The following LBR variants were observed in gnomAD, a reference collection of about 807,000 sequenced individuals.
LBR encodes lamin B receptor.
Under a neutral mutation model 74.3 loss-of-function variants are expected in LBR, and 28 were observed. The ratio of observed to expected loss-of-function variants is 0.38; its 90% confidence interval spans 0.28 to 0.52. The LOEUF (loss-of-function observed/expected upper bound fraction) is 0.52. Among genes scored for constraint, LBR ranks in the 20% least tolerant of loss-of-function variants. The pLI is 0.89. For missense variants in LBR, 717 were observed against 760.3 expected (o/e 0.94, Z 0.67); for synonymous variants, 228 against 269.3 (o/e 0.85, Z 1.50).
At chr1:225,411,509 C>T in intron 8 of LBR, 69 bp from the exon 9 acceptor site, 4 of 1,097,808 alleles carry the variant, frequency 3.6e-6, no homozygotes, top group Non-Finnish European at 5.6e-6. Context: ...AACGGCACTG[C>T]CGCCCACTAT....
At chr1:225,423,871 T>C (rs1558658828) in intron 2 of LBR, 40 bp downstream of exon 2, 1 of 1,574,624 alleles carries the variant, frequency 6.4e-7, no homozygotes, top group Non-Finnish European at 8.7e-7. Context: ...TATTTCCCAC[T>C]TACTGTAAAC....
chr1:225,406,858 G>A, intron 10 of LBR, 26 bp from the exon 11 acceptor site: 2 of 1,608,638 alleles, frequency 1.2e-6, no homozygotes, highest in Non-Finnish European at 1.7e-6. Flanking sequence ...CGGGGAAAGG[G>A]AGAAGGAGCT....
rs1317016745 is a variant in LBR, at chr1:225,418,145, G to T, written c.676C>A (p.Leu226Ile). Residue 226 changes from leucine (L) to isoleucine (I), a missense_variant, in exon 6 of 14, where the codon CTC becomes ATC. By Grantham distance (5) the Leu-to-Ile change is conservative. Coordinates refer to ENST00000272163, the MANE Select transcript of LBR (RefSeq NM_002296.4). ...FLIMFGLPVFLFLLLLMCKQK... is the reference protein window; with the variant it reads ...FLIMFGLPVFIFLLLLMCKQK... ...TTACACATCAACAGCAACAGGAAGAGGAACACAGGCAGGCCAAACATGATG... is the reference window on the plus strand; with the variant it reads ...TTACACATCAACAGCAACAGGAAGATGAACACAGGCAGGCCAAACATGATG... 1 of 1,613,988 alleles carries T rather than the reference G, an allele frequency of 6.2e-7. No homozygotes were observed. The highest frequency in any genetic ancestry group is 1.3e-5 in the African/African-American group (1 of 74,916).
In LBR at chr1:225,415,286, C is replaced by T; in HGVS notation, c.884G>A (p.Arg295Lys). ...PLIDGRRLKY[R>K]LNGFYAFILT... The stretch of plus-strand genomic sequence containing the variant: ...TAAAAAAAGAAAATCACCATTTAAT[C>T]TATACTTGAGTCTTCTTCCATCAAT... Residue 295 changes from arginine to lysine, a missense_variant, in exon 7 of 14, where the codon AGA becomes AAA. Arg to Lys is a conservative substitution (Grantham distance 26). Coordinates refer to ENST00000272163, the MANE Select transcript of LBR (RefSeq NM_002296.4). 6.3e-7 allele frequency: 1 copy of T among 1,589,728 alleles called. No individual in the cohort carries two copies. The highest frequency in any genetic ancestry group is 8.6e-7 in the Non-Finnish European group (1 of 1,161,292).
Position 225,416,079 on chromosome 1 carries a change from C to T in LBR, c.838-747G>A, listed in dbSNP as rs570858365. Among the ~76,000 whole-genome samples the T allele has an allele frequency of 5.3e-5, 8 of 152,048 alleles. No individual in the cohort carries two copies. In the South Asian group the frequency reaches 1.7e-3, roughly 32 times the overall value. ...CAAAAACTAGCCAAGCCTGGTGGCA[C>T]GCGCCTGTGGTCCCAGCTACTCGGG... On this transcript the variant is annotated intron_variant, in intron 6 of 13. Transcript: ENST00000272163.
At position 225,422,189 on chromosome 1, in the gene LBR, C is replaced by G. The variant is rs758063579; in HGVS notation, c.254G>C (p.Arg85Pro). The G allele has an allele frequency of 1.2e-5, 19 of 1,613,756 alleles. No homozygotes were observed. Among genetic ancestry groups the G allele is most frequent in the Non-Finnish European group, 1.6e-5 (19 of 1,179,992 alleles). ...RRGSRSRSRS[R>P]SPGRPPKSAR... ...ACTTTTAGGTGGTCGACCAGGGGAT[C>G]GGGAGCGTGACCTTGATCGACTCCC... The change falls in exon 3 of 14, where the codon CGA becomes CCA. Residue 85 changes from arginine to proline, a missense_variant. Coordinates refer to ENST00000272163, the MANE Select transcript of LBR (RefSeq NM_002296.4).
At chr1:225,422,979 C>G (rs2096130790) in intron 2 of LBR, among the ~76,000 whole-genome samples, 1 of 152,248 alleles carries the variant, frequency 6.6e-6, no homozygotes, top group Non-Finnish European at 1.5e-5. Context: ...CCCTTCCATA[C>G]TGCCTGGAGC....
At chr1:225,413,853 C>G (rs1302977510) in intron 7 of LBR, 2 of 415,296 alleles carry the variant, frequency 4.8e-6, no homozygotes, top group African/African-American at 2.1e-5. Flanking sequence ...CAGCCACTCC[C>G]CCACTGGCTC....
intron 13 of LBR, 64 bp downstream of exon 13, chr1:225,404,340 G>GAC (rs1400566209): frequency 4.1e-5 from 66 of 1,605,766 alleles, no homozygotes; most frequent in Non-Finnish European, 5.2e-5. Flanking sequence ...CCACACAAAG[G>GAC]ACACACACAC....
chr1:225,410,511 G>A (rs2096102643), intron 9 of LBR, 95 bp from the exon 10 acceptor site: 2 of 1,347,270 alleles, frequency 1.5e-6, no homozygotes, highest in African/African-American at 1.4e-5. Context: ...TGAGACACCT[G>A]GCAGACGCCA....
rs201609720 is a variant in LBR, at chr1:225,412,547, G to C, written c.991C>G (p.Leu331Val). Residue 331 changes from leucine to valine, a missense_variant, in exon 8 of 14, where the codon CTT becomes GTT. By Grantham distance (32) the Leu-to-Val change is conservative (BLOSUM62 1). Coordinates refer to ENST00000272163, the MANE Select transcript of LBR (RefSeq NM_002296.4). ...YVYSHFLQFA[L>V]AATVFCVVLS... ...ACCACACAAAAAACAGTGGCCGCAA[G>C]TGCAAACTGAAGAAAATGACTGTAC... The C allele has an allele frequency of 1.9e-6, 3 of 1,613,662 alleles. No individual in the cohort carries two copies. The highest frequency in any genetic ancestry group is 1.3e-5 in the African/African-American group (1 of 74,858).
In LBR at chr1:225,427,985, C is replaced by G. The variant is rs867899025; in HGVS notation, c.-46G>C. On this transcript the variant is annotated 5_prime_UTR_variant, in exon 1 of 14. Transcript: ENST00000272163. ...CAGGTTCCGGCGGTGACACGGACGG[C>G]TCCCGGAGAATAGTCGCACAGCAAC... 1 of 152,144 alleles carries G rather than the reference C, an allele frequency of 6.6e-6. No homozygotes were observed. The allele number at this position is 152,144 out of a possible 1,614,324, so 9.4% of individuals were successfully genotyped here.
chr1:225,407,085 C>A (rs1160162012), intron 10 of LBR, among the ~76,000 whole-genome samples: 2 of 152,114 alleles, frequency 1.3e-5, no homozygotes, highest in Non-Finnish European at 2.9e-5. Flanking sequence ...TGCCCCCATG[C>A]CCAGGCCCTC....
chr1:225,428,808 C>G (rs1389336186), upstream of LBR: 5 of 152,368 alleles, frequency 3.3e-5, no homozygotes, highest in Admixed American at 3.3e-4. Flanking sequence ...GCGTTACACA[C>G]CGAAACACAA....
rs2096084680 is a variant in LBR, at chr1:225,403,255, A to C, written c.*48T>G. 6.3e-7 allele frequency: 1 copy of C among 1,583,378 alleles called. No homozygotes were observed. Among genetic ancestry groups the C allele is most frequent in the Non-Finnish European group, 8.7e-7 (1 of 1,152,028 alleles). The stretch of plus-strand genomic sequence containing the variant: ...CGGATTTTTTTCCTTGTTTTTGCAA[A>C]TGGCAGCTGGAATTGCAGGAGTATT... On this transcript the variant is annotated 3_prime_UTR_variant, in exon 14 of 14. Coordinates refer to ENST00000272163, the MANE Select transcript of LBR (RefSeq NM_002296.4).
chr1:225,411,232 TA>T, intron 9 of LBR, 104 bp downstream of exon 9: 1 of 850,730 alleles, frequency 1.2e-6, no homozygotes, highest in Non-Finnish European at 2.0e-6. Flanking sequence ...TAATTATCCC[TA>T]AAAATATACC....
chr1:225,410,981 G>C (rs914310365), intron 9 of LBR, among the ~76,000 whole-genome samples: 1 of 152,168 alleles, frequency 6.6e-6, no homozygotes, highest in African/African-American at 2.4e-5. Flanking sequence ...GGGTGGAAGG[G>C]AACTCTTTGC....
chr1:225,407,814 G>A (rs1575220124), intron 10 of LBR, among the ~76,000 whole-genome samples: 1 of 152,018 alleles, frequency 6.6e-6, no homozygotes, highest in East Asian at 1.9e-4. Flanking sequence ...AAAAACAGAT[G>A]TCACATGAAA....
chr1:225,422,220 G>A lies in LBR; in HGVS notation c.223C>T (p.Arg75Cys), dbSNP rs553554966. 22 of 1,613,842 alleles carry A rather than the reference G, an allele frequency of 1.4e-5. No individual in the cohort carries two copies. The East Asian group carries it at 2.7e-4, about 20-fold the overall frequency. The change falls in exon 3 of 14, where the codon CGC becomes TGC. Residue 75 changes from arginine (R) to cysteine (C), a missense_variant. Coordinates refer to ENST00000272163, the MANE Select transcript of LBR (RefSeq NM_002296.4). ...CGTGACCTTGATCGACTCCCTCGGC[G>A]TCTGGAAGGGGAACTGGAAGTTGAG... ...GGSTSSSPSRRRGSRSRSRSR... is the reference protein window; with the variant it reads ...GGSTSSSPSRCRGSRSRSRSR...
Sources: gnomAD v4.1 joint callset for allele counts (sites outside exome capture counted in the v4.1 genomes callset) on GRCh38, gnomAD v4.1.1 for gene constraint, MANE v1.5 for transcripts, NCBI Gene and HGNC (gene_info 2026-07-23, HGNC 2026-07-21) for gene names.